The following ME3 variants were observed in gnomAD, a reference collection of about 807,000 sequenced individuals.
The protein encoded by ME3 is NADP-dependent malic enzyme, mitochondrial.
A neutral mutation model predicts 68.9 loss-of-function variants in ME3; 48 were observed. That is an observed-to-expected ratio of 0.70 (90% CI 0.55 to 0.89). ME3 has a LOEUF of 0.89. Among genes scored for constraint, ME3 ranks in the 40% least tolerant of loss-of-function variants. The pLI is 0.00. For missense variants in ME3, 675 were observed against 797.4 expected (o/e 0.85, Z 1.85); for synonymous variants, 320 against 318.8 (o/e 1.00, Z -0.04).
At chr11:86,601,298 A>C (rs1288880841) in intron 2 of ME3, among the ~76,000 whole-genome samples, 3 of 152,218 alleles carry the variant, frequency 2.0e-5, no homozygotes, top group Non-Finnish European at 4.4e-5. Flanking sequence ...AGAAATACAA[A>C]CTACCATCAG....
At chr11:86,588,145 C>T (rs772771983) in intron 2 of ME3, among the ~76,000 whole-genome samples, 12 of 152,238 alleles carry the variant, frequency 7.9e-5, no homozygotes, top group African/African-American at 1.2e-4. Context: ...AAGATAGGCA[C>T]AGTCTTGCCC....
chr11:86,611,809 G>A (rs1475493272), intron 2 of ME3, among the ~76,000 whole-genome samples: 1 of 151,994 alleles, frequency 6.6e-6, no homozygotes, highest in African/African-American at 2.4e-5. Flanking sequence ...TAAAATGGGG[G>A]TATTAATAGC....
At chr11:86,608,300 G>C (rs1010694962) in intron 2 of ME3, among the ~76,000 whole-genome samples, 1 of 152,066 alleles carries the variant, frequency 6.6e-6, no homozygotes, top group African/African-American at 2.4e-5. Context: ...GTCCACGCAC[G>C]CTTGCTTAAT....
chr11:86,567,680 G>T (rs1419170209), intron 2 of ME3, among the ~76,000 whole-genome samples: 1 of 152,202 alleles, frequency 6.6e-6, no homozygotes, highest in African/African-American at 2.4e-5. Flanking sequence ...TTAGCAGCTG[G>T]TAATTTCAGG....
At chr11:86,583,592 A>T (rs1224641314) in intron 2 of ME3, among the ~76,000 whole-genome samples, 1 of 152,206 alleles carries the variant, frequency 6.6e-6, no homozygotes, top group African/African-American at 2.4e-5. Flanking sequence ...ACTACAAAGC[A>T]GGTGCAGTGG....
chr11:86,576,257 G>A (rs1437236605), intron 2 of ME3, among the ~76,000 whole-genome samples: 2 of 152,148 alleles, frequency 1.3e-5, no homozygotes, highest in Non-Finnish European at 2.9e-5. Flanking sequence ...CTTTTTGGAG[G>A]AGGTGACAGG....
intron 4 of ME3, among the ~76,000 whole-genome samples, chr11:86,525,665 C>T (rs185038615): frequency 4.6e-5 from 7 of 152,178 alleles, no homozygotes; most frequent in African/African-American, 1.7e-4. Context: ...GAGTTCAAGA[C>T]CAGCCTGACC....
At chr11:86,490,935 T>C (rs1467025795) in intron 6 of ME3, among the ~76,000 whole-genome samples, 3 of 152,156 alleles carry the variant, frequency 2.0e-5, no homozygotes, top group Admixed American at 6.5e-5. Flanking sequence ...AATTTCTCAG[T>C]ATACTGCAGT....
chr11:86,654,804 A>T (rs1330260893), intron 2 of ME3, among the ~76,000 whole-genome samples: 9 of 152,272 alleles, frequency 5.9e-5, no homozygotes, highest in South Asian at 2.1e-4. Context: ...AGGAAGTCAA[A>T]TTGTCCCTGT....
intron 2 of ME3, among the ~76,000 whole-genome samples, chr11:86,655,191 C>A (rs192441033): frequency 1.3e-4 from 20 of 152,246 alleles, no homozygotes; most frequent in Admixed American, 9.2e-4. Flanking sequence ...TTTATAGATT[C>A]AATGCTATCC....
intron 2 of ME3, among the ~76,000 whole-genome samples, chr11:86,634,970 G>C (rs879229986): frequency 3.3e-5 from 5 of 152,162 alleles, no homozygotes; most frequent in Admixed American, 1.3e-4. Flanking sequence ...GGGTGAAATT[G>C]TATCTTTGCT....
chr11:86,624,789 A>G (rs1296343846), intron 2 of ME3, among the ~76,000 whole-genome samples: 1 of 152,206 alleles, frequency 6.6e-6, no homozygotes, highest in African/African-American at 2.4e-5. Flanking sequence ...AGCGGGAGAG[A>G]AAGGGCAAGT....
chr11:86,580,346 T>C (rs1945144), intron 2 of ME3, among the ~76,000 whole-genome samples: 73,095 of 152,048 alleles, frequency 0.48, 19,078 homozygotes, highest in East Asian at 0.71. Flanking sequence ...CTACCAGGCT[T>C]TTCTAAAACC....
intron 2 of ME3, among the ~76,000 whole-genome samples, chr11:86,654,686 C>T (rs867168246): frequency 2.0e-5 from 3 of 152,322 alleles, no homozygotes; most frequent in African/African-American, 7.2e-5. Flanking sequence ...AAAACTGGCA[C>T]AAGACAGGGA....
intron 2 of ME3, among the ~76,000 whole-genome samples, chr11:86,599,407 A>C (rs1460881204): frequency 6.6e-6 from 1 of 152,218 alleles, no homozygotes; most frequent in African/African-American, 2.4e-5. Flanking sequence ...GAGAAAAAAG[A>C]ATAAAAAGAA....
At chr11:86,643,155 A>C (rs673118) in intron 2 of ME3, among the ~76,000 whole-genome samples, 150,050 of 152,218 alleles carry the variant, frequency 0.99, 73,984 homozygotes, top group Non-Finnish European at 1. Flanking sequence ...CTCATAGGGA[A>C]TAAATTCCTT....
intron 2 of ME3, among the ~76,000 whole-genome samples, chr11:86,622,351 T>A (rs536902519): frequency 2.0e-5 from 3 of 151,968 alleles, no homozygotes; most frequent in South Asian, 4.2e-4. Flanking sequence ...CACTGCCATA[T>A]CCAGTGATAT....
At chr11:86,664,885 AAT>A (rs1267797396) in intron 2 of ME3, among the ~76,000 whole-genome samples, 3 of 152,166 alleles carry the variant, frequency 2.0e-5, no homozygotes, top group African/African-American at 7.2e-5. Context: ...ATAAACAGTT[AAT>A]ATCTCTGTGC....
At chr11:86,669,178 C>G (rs1004558655) in intron 2 of ME3, among the ~76,000 whole-genome samples, 1 of 152,176 alleles carries the variant, frequency 6.6e-6, no homozygotes, top group Non-Finnish European at 1.5e-5. Context: ...AGGAAGCACT[C>G]CCTCTGTTGC....
Sources: gnomAD v4.1 joint callset for allele counts (sites outside exome capture counted in the v4.1 genomes callset) on GRCh38, gnomAD v4.1.1 for gene constraint, MANE v1.5 for transcripts, NCBI Gene and HGNC (gene_info 2026-07-23, HGNC 2026-07-21) for gene names.